The following HTR2C variants were observed in gnomAD, a reference collection of about 807,000 sequenced individuals.
The protein encoded by HTR2C is 5-hydroxytryptamine receptor 2C.
A neutral mutation model predicts 21.0 loss-of-function variants in HTR2C; 5 were observed. The ratio of observed to expected loss-of-function variants is 0.24; its 90% CI spans 0.12 to 0.50. The LOEUF (loss-of-function observed/expected upper bound fraction) is 0.50. HTR2C is among the 20% of genes least tolerant of loss of function. The pLI is 0.98. For synonymous variants in HTR2C, 150 were observed against 145.3 expected, an observed-to-expected ratio of 1.03 and a Z score of -0.23; for missense variants, 271 against 371.2, an observed-to-expected ratio of 0.73 and a Z score of 2.22.
chrX:114,770,785 T>C (rs2069992739), intron 4 of HTR2C, among the ~76,000 whole-genome samples: 1 of 94,723 alleles, frequency 1.1e-5, no homozygotes, highest in Admixed American at 1.4e-4. Context: ...GTTTCTTTTC[T>C]CTTTTCTTTC....
chrX:114,858,422 C>T (rs1384948613), intron 5 of HTR2C, among the ~76,000 whole-genome samples: 1 of 111,152 alleles, frequency 9.0e-6, no homozygotes, highest in Non-Finnish European at 1.9e-5. Context: ...AGGTCTTGCA[C>T]ATCTTTGTTA....
intron 4 of HTR2C, among the ~76,000 whole-genome samples, chrX:114,810,782 T>G (rs1308881302): frequency 2.8e-5 from 3 of 108,569 alleles, no homozygotes; most frequent in African/African-American, 1.0e-4. Flanking sequence ...GTGTGGATAG[T>G]TGTTCAATTT....
At chrX:114,780,264 A>C (rs1457653447) in intron 4 of HTR2C, among the ~76,000 whole-genome samples, 1 of 111,465 alleles carries the variant, frequency 9.0e-6, no homozygotes, top group African/African-American at 3.3e-5. Flanking sequence ...GCGTGTATGT[A>C]TATACACTCA....
At position 114,906,678 on chromosome X, in the gene HTR2C, T is replaced by G. The variant is rs1556486851; in HGVS notation, c.640T>G (p.Phe214Val). The G allele has an allele frequency of 8.3e-7, 1 of 1,209,878 alleles. No individual in the cohort carries two copies. The highest frequency in any genetic ancestry group is 1.1e-6 in the Non-Finnish European group (1 of 894,379). ...NTTCVLNDPN[F>V]VLIGSFVAFF... ...GACGTGCGTGCTCAACGACCCAAAT[T>G]TCGTTCTTATTGGGTCCTTCGTAGC... The change falls in exon 6 of 6, where the codon TTC becomes GTC. Residue 214 changes from phenylalanine (F) to valine (V), a missense_variant. By Grantham distance (50) the Phe-to-Val change is conservative. This residue lies in a region of HTR2C where 192 missense variants were observed against 247.2 expected (regional missense o/e 0.78). Coordinates refer to ENST00000276198, the MANE Select transcript of HTR2C (RefSeq NM_000868.4).
At chrX:114,588,824 AG>A (rs1479909508) in intron 1 of HTR2C, among the ~76,000 whole-genome samples, 1 of 111,887 alleles carries the variant, frequency 8.9e-6, no homozygotes, top group African/African-American at 3.2e-5. Context: ...ATTATTCTTA[AG>A]AGGAGAGGTA....
chrX:114,584,594 G>A lies in HTR2C; in HGVS notation c.-212G>A, dbSNP rs1392144951. On this transcript the variant is annotated 5_prime_UTR_variant, in exon 1 of 6. Transcript: ENST00000276198. Reference sequence around the variant, plus strand: ...CGGGCTCCGCTGGGCGATTGCAGCCGAGTCCGTTTCTCGTCTAGCTGCCGC... The same window carrying A: ...CGGGCTCCGCTGGGCGATTGCAGCCAAGTCCGTTTCTCGTCTAGCTGCCGC... 1 of 112,925 alleles carries A rather than the reference G, an allele frequency of 8.9e-6. No homozygotes were observed. Among genetic ancestry groups the A allele is most frequent in the African/African-American group, 3.2e-5 (1 of 31,078 alleles). 9.3% of individuals were successfully genotyped at this position (112,925 alleles called of 1,213,427 possible). A position where few individuals can be genotyped will look rare whatever the true frequency, so the allele number is the denominator to read the frequency against.
chrX:114,714,605 G>A (rs1035792811), intron 2 of HTR2C, among the ~76,000 whole-genome samples: 2 of 112,166 alleles, frequency 1.8e-5, no homozygotes, highest in Non-Finnish European at 3.8e-5. Flanking sequence ...TGAATGCTAT[G>A]TTTTATATTT....
rs782556697 is a variant in HTR2C at position 114,848,351 on chromosome X, C to G, written c.550+148C>G. 214 of 401,235 alleles carry G rather than the reference C, an allele frequency of 5.3e-4. No homozygotes were observed. The Middle Eastern group carries it at 6.6e-3, about 12-fold the overall frequency. 33.1% of individuals were successfully genotyped at this position (401,235 alleles called of 1,213,427 possible). A position where few individuals can be genotyped will look rare whatever the true frequency, so the allele number is the denominator to read the frequency against. ...TAGTAATTATTCTTAACCTATTTAT[C>G]TGATATTTAGGTTAACAATAATGAA... On this transcript the variant is annotated intron_variant, in intron 5 of 5. Coordinates refer to ENST00000276198, the MANE Select transcript of HTR2C (RefSeq NM_000868.4).
intron 2 of HTR2C, among the ~76,000 whole-genome samples, chrX:114,700,260 C>T (rs1232228203): frequency 8.9e-6 from 1 of 111,755 alleles, no homozygotes; most frequent in African/African-American, 3.3e-5. Flanking sequence ...ATTTAACTTA[C>T]AAAATGTATG....
intron 2 of HTR2C, 91 bp from the exon 3 acceptor site, chrX:114,726,767 C>T: frequency 2.5e-6 from 1 of 395,951 alleles, no homozygotes; most frequent in Non-Finnish European, 4.3e-6. Context: ...TTCTTATCAC[C>T]ATTAAGTGCA....
At position 114,726,873 on chromosome X, in the gene HTR2C, G is replaced by T. The variant is rs2147341539; in HGVS notation, c.-64G>T. The T allele has an allele frequency of 1.5e-6, 1 of 681,358 alleles. No homozygotes were observed. The highest frequency in any genetic ancestry group is 3.8e-5 in the Admixed American group (1 of 26,656). 56.2% of individuals were successfully genotyped at this position (681,358 alleles called of 1,213,427 possible). On this transcript the variant is annotated 5_prime_UTR_variant, in exon 3 of 6. An upstream start codon of the reference 5' UTR is lost. Transcript: ENST00000276198. ...CTCTCCCCAGAAAGGATGATATGAT[G>T]AACCTAGCCTGTTAATTTCGTCTTC...
At chrX:114,772,479 G>T (rs1223099105) in intron 4 of HTR2C, among the ~76,000 whole-genome samples, 2 of 58,744 alleles carry the variant, frequency 3.4e-5, no homozygotes, top group Non-Finnish European at 6.7e-5. Flanking sequence ...TGGCGGGGCG[G>T]GGCGTGGTGG....
chrX:114,809,732 C>T (rs1422551400), intron 4 of HTR2C, among the ~76,000 whole-genome samples: 2 of 111,105 alleles, frequency 1.8e-5, no homozygotes, highest in Non-Finnish European at 3.8e-5. Context: ...GGCCTGGAAC[C>T]GGGGACCCCA....
rs1602748364 is a variant in HTR2C at position 114,754,413 on chromosome X, A to G, written c.349+22806A>G. 2.7e-5 allele frequency among the ~76,000 whole-genome samples: 3 copies of G among 112,303 alleles called. 1 individual carries two copies. The Admixed American group carries it at 2.8e-4, about 11-fold the overall frequency. On this transcript the variant is annotated intron_variant, in intron 4 of 5. Transcript: ENST00000276198. ...ATATTAAGGATTACAAGACAGCTGC[A>G]GTAATCAAGATAATATCATATTTGC... is the stretch of plus-strand genomic sequence containing the variant.
At chrX:114,775,134 A>C in intron 4 of HTR2C, 1 of 522,742 alleles carries the variant, frequency 1.9e-6, no homozygotes, top group Non-Finnish European at 3.5e-6. Flanking sequence ...TGTGGAATGC[A>C]TAGGACTCAA....
chrX:114,902,216 A>T (rs781955808), intron 5 of HTR2C, among the ~76,000 whole-genome samples: 42 of 112,000 alleles, frequency 3.8e-4, no homozygotes, highest in Non-Finnish European at 7.3e-4. Flanking sequence ...AGACATGATA[A>T]TATCGCATGA....
chrX:114,893,553 A>C (rs1478953031), intron 5 of HTR2C, among the ~76,000 whole-genome samples: 1 of 111,913 alleles, frequency 8.9e-6, no homozygotes, highest in Non-Finnish European at 1.9e-5. Flanking sequence ...AATTACCTTA[A>C]GCCAGATCAT....
At chrX:114,864,395 A>G (rs1185518380) in intron 5 of HTR2C, among the ~76,000 whole-genome samples, 1 of 111,485 alleles carries the variant, frequency 9.0e-6, no homozygotes, top group East Asian at 2.8e-4. Context: ...AACTTCTGAC[A>G]CATACAAACA....
chrX:114,817,946 C>T (rs782778228), intron 4 of HTR2C, among the ~76,000 whole-genome samples: 8 of 111,635 alleles, frequency 7.2e-5, no homozygotes, highest in Admixed American at 1.9e-4. Flanking sequence ...AAATCCTGAG[C>T]AAATTACTAG....
Sources: gnomAD v4.1 joint callset for allele counts (sites outside exome capture counted in the v4.1 genomes callset) on GRCh38, gnomAD v4.1.1 for gene constraint, gnomAD v4.1.1 regional missense constraint, MANE v1.5 for transcripts, NCBI Gene and HGNC (gene_info 2026-07-23, HGNC 2026-07-21) for gene names.